The following EIF4ENIF1 variants were observed in gnomAD, a reference collection of about 807,000 sequenced individuals.
EIF4ENIF1 encodes eukaryotic translation initiation factor 4E transporter.
EIF4ENIF1 carries 23 observed loss-of-function variants against 110.5 expected under a neutral mutation model. The observed-to-expected ratio is 0.21, with a 90% CI of 0.15 to 0.29. EIF4ENIF1 has a LOEUF of 0.29. Among genes scored for constraint, EIF4ENIF1 ranks in the 10% least tolerant of loss-of-function variants. The pLI, the probability that EIF4ENIF1 is intolerant of heterozygous loss-of-function variation, is 1.00. For synonymous variants in EIF4ENIF1, 440 were observed against 437.0 expected (o/e 1.01, Z -0.09); for missense variants, 1,031 against 1,221.1 (o/e 0.84, Z 2.32).
intron 14 of EIF4ENIF1, among the ~76,000 whole-genome samples, chr22:31,446,133 A>T (rs572297760): frequency 2.0e-5 from 3 of 151,600 alleles, no homozygotes; most frequent in Admixed American, 1.3e-4. Flanking sequence ...AAAATACAAA[A>T]AACTAGCCGG....
chr22:31,446,988 A>C (rs1167867498), intron 14 of EIF4ENIF1: 5 of 468,580 alleles, frequency 1.1e-5, no homozygotes, highest in Non-Finnish European at 2.2e-5. Context: ...GCATCAAGGG[A>C]GTTTGATAAG....
chr22:31,470,330 C>A (rs1262048609), intron 3 of EIF4ENIF1, among the ~76,000 whole-genome samples: 9 of 151,446 alleles, frequency 5.9e-5, no homozygotes, highest in Admixed American at 5.9e-4. Flanking sequence ...GCCCAGGCTG[C>A]AGTGCAATGG....
chr22:31,444,595 A>G lies in EIF4ENIF1; in HGVS notation c.2073+11T>C. ...CCTTAAAGTCCTTCACAGTTACTAA[A>G]GGTCACTGACCATGCTTGTGATGGA... is the stretch of plus-strand genomic sequence containing the variant. On this transcript the variant is annotated intron_variant, in intron 15 of 18. Coordinates refer to ENST00000330125, the MANE Select transcript of EIF4ENIF1 (RefSeq NM_019843.4). 6.2e-7 allele frequency: 1 copy of G among 1,613,214 alleles called. No individual in the cohort carries two copies. The highest frequency in any genetic ancestry group is 8.5e-7 in the Non-Finnish European group (1 of 1,179,176).
chr22:31,455,391 C>A, intron 8 of EIF4ENIF1, 76 bp from the exon 9 acceptor site: 712 of 884,652 alleles, frequency 8.0e-4, no homozygotes, highest in Non-Finnish European at 1.0e-3. Flanking sequence ...ATTTTTCTTT[C>A]TTTCTTTTTT....
intron 3 of EIF4ENIF1, among the ~76,000 whole-genome samples, chr22:31,468,823 G>C (rs1289727004): frequency 1.3e-5 from 2 of 152,182 alleles, no homozygotes; most frequent in African/African-American, 4.8e-5. Flanking sequence ...ACAGTCACTT[G>C]AAAACTAATG....
intron 15 of EIF4ENIF1, 165 bp from the exon 16 acceptor site, chr22:31,443,259 C>T: frequency 1.1e-6 from 1 of 929,592 alleles, no homozygotes; most frequent in Non-Finnish European, 1.6e-6. Context: ...CAGAATGGGG[C>T]AAATAGGCAG....
intron 2 of EIF4ENIF1, among the ~76,000 whole-genome samples, chr22:31,486,921 A>AT (rs1194152301): frequency 2.9e-4 from 1 of 3,456 alleles, no homozygotes; most frequent in Non-Finnish European, 1.7e-3. Flanking sequence ...TCTCTACTAT[A>AT]AAAAAAAAAA....
At chr22:31,483,917 C>T (rs562348936) in intron 2 of EIF4ENIF1, among the ~76,000 whole-genome samples, 34 of 152,246 alleles carry the variant, frequency 2.2e-4, no homozygotes, top group African/African-American at 7.2e-4. Flanking sequence ...ATATGATAAA[C>T]CCATTTATAA....
chr22:31,470,400 C>G (rs1163245116), intron 3 of EIF4ENIF1, among the ~76,000 whole-genome samples: 1 of 151,798 alleles, frequency 6.6e-6, no homozygotes, highest in South Asian at 2.1e-4. Context: ...CCTGCCTCAG[C>G]CTCCCGAGTA....
chr22:31,458,382 A>G (rs2050891930), intron 7 of EIF4ENIF1, 93 bp downstream of exon 7: 1 of 1,162,834 alleles, frequency 8.6e-7, no homozygotes. Context: ...AAAAACCCCA[A>G]AAGCATCTAG....
chr22:31,444,439 CTG>C, intron 15 of EIF4ENIF1, 165 bp downstream of exon 15: 1 of 664,866 alleles, frequency 1.5e-6, no homozygotes, highest in Non-Finnish European at 2.7e-6. Context: ...AAGACTTAGA[CTG>C]TGTCCTAAAA....
chr22:31,448,084 C>A, intron 13 of EIF4ENIF1, 69 bp downstream of exon 13: 1 of 1,545,214 alleles, frequency 6.5e-7, no homozygotes, highest in South Asian at 1.1e-5. Flanking sequence ...CAGTTCAGCT[C>A]TCCACTCCCC....
chr22:31,480,483 C>T (rs545901386), intron 2 of EIF4ENIF1, among the ~76,000 whole-genome samples: 6 of 152,276 alleles, frequency 3.9e-5, no homozygotes, highest in Non-Finnish European at 7.4e-5. Context: ...CCTGGGCGGG[C>T]GTGGTGGCTC....
intron 7 of EIF4ENIF1, among the ~76,000 whole-genome samples, chr22:31,456,895 G>C (rs189624014): frequency 6.6e-6 from 1 of 152,146 alleles, no homozygotes; most frequent in African/African-American, 2.4e-5. Flanking sequence ...GTAAATCCAC[G>C]TACTACCAAA....
chr22:31,446,457 T>C (rs568636227), intron 14 of EIF4ENIF1, among the ~76,000 whole-genome samples: 1 of 152,234 alleles, frequency 6.6e-6, no homozygotes, highest in Admixed American at 6.5e-5. Flanking sequence ...TGTGTAAGGC[T>C]ATCTCCTGGT....
intron 9 of EIF4ENIF1, 145 bp from the exon 10 acceptor site, chr22:31,454,521 C>T (rs1276636742): frequency 2.1e-5 from 14 of 673,750 alleles, no homozygotes; most frequent in South Asian, 9.7e-5. Flanking sequence ...CAAAAATAAA[C>T]TAATAACACT....
At chr22:31,456,927 A>G (rs1409928776) in intron 7 of EIF4ENIF1, among the ~76,000 whole-genome samples, 1 of 152,246 alleles carries the variant, frequency 6.6e-6, no homozygotes, top group East Asian at 1.9e-4. Context: ...AACAGTGTCA[A>G]TGCCACAGCA....
Position 31,456,336 on chromosome 22 carries a change from G to A in EIF4ENIF1, c.964-349C>T, listed in dbSNP as rs534674359. Reference sequence around the variant, plus strand: ...CCTCCCGGGTTCACACCATTCTCCTGCCTCAGCCTCCTGAGTAGCTGGGAC... The same window carrying A: ...CCTCCCGGGTTCACACCATTCTCCTACCTCAGCCTCCTGAGTAGCTGGGAC... On this transcript the variant is annotated intron_variant, in intron 7 of 18. Coordinates refer to ENST00000330125, the MANE Select transcript of EIF4ENIF1 (RefSeq NM_019843.4). Among the ~76,000 whole-genome samples the A allele has an allele frequency of 1.1e-3, 172 of 149,956 alleles. 1 individual carries two copies. The highest frequency in any genetic ancestry group is 0.01 in the Admixed American group (154 of 14,882).
In EIF4ENIF1 at chr22:31,468,232, C is replaced by G. The variant is rs1348083822; in HGVS notation, c.241G>C (p.Glu81Gln). The part of the protein sequence containing the change: ...YPASGRSSPV[E>Q]SLKKELDTDR... ...GTATCCAACTCTTTCTTCAGACTTT[C>G]CACTGGTGAGCTCCGCCCTGAAGCT... is the stretch of plus-strand genomic sequence containing the variant. Residue 81 changes from glutamate (E) to glutamine (Q), a missense_variant, in exon 4 of 19, where the codon GAA becomes CAA. Glu to Gln is a conservative substitution (Grantham distance 29). Transcript: ENST00000330125. The G allele has an allele frequency of 1.2e-6, 2 of 1,614,084 alleles. No homozygotes were observed. Among genetic ancestry groups the G allele is most frequent in the Non-Finnish European group, 1.7e-6 (2 of 1,180,042 alleles).
Sources: gnomAD v4.1 joint callset for allele counts (sites outside exome capture counted in the v4.1 genomes callset) on GRCh38, gnomAD v4.1.1 for gene constraint, MANE v1.5 for transcripts, NCBI Gene and HGNC (gene_info 2026-07-23, HGNC 2026-07-21) for gene names.